Variants in RIC8B observed in about 807,000 individuals in gnomAD.
RIC8B encodes RIC8 guanine nucleotide exchange factor B, also known as chaperone Ric-8B.
Under a neutral mutation model 57.5 loss-of-function variants are expected in RIC8B, and 16 were observed. The observed-to-expected ratio is 0.28, with a 90% CI of 0.19 to 0.42. RIC8B has a LOEUF of 0.42. Ranked by LOEUF, RIC8B falls within the 10% of genes least tolerant of loss-of-function variation. The probability of loss-of-function intolerance (pLI) is 1.00; values close to 1 mark genes in which losing one functional copy is unlikely to be tolerated. For synonymous variants in RIC8B, 216 were observed against 250.8 expected (o/e 0.86, Z 1.31); for missense variants, 481 against 677.0 (o/e 0.71, Z 3.21).
intron 1 of RIC8B, among the ~76,000 whole-genome samples, chr12:106,782,488 C>T (rs1000710788): frequency 6.6e-6 from 1 of 152,226 alleles, no homozygotes; most frequent in Non-Finnish European, 1.5e-5. Flanking sequence ...CTGTGAGCTA[C>T]CGCCCAAAAT....
intron 3 of RIC8B, among the ~76,000 whole-genome samples, chr12:106,820,237 G>A (rs1013858978): frequency 6.6e-6 from 1 of 152,144 alleles, no homozygotes; most frequent in Non-Finnish European, 1.5e-5. Context: ...GCAAATTAGT[G>A]CAATTTGTTC....
intron 3 of RIC8B, 97 bp downstream of exon 3, chr12:106,815,401 G>GA: frequency 7.6e-7 from 1 of 1,313,288 alleles, no homozygotes; most frequent in Non-Finnish European, 1.0e-6. Flanking sequence ...TTGGGAAATG[G>GA]AAAAAGTTCC....
intron 8 of RIC8B, among the ~76,000 whole-genome samples, chr12:106,865,652 ATC>A (rs1299354259): frequency 2.6e-5 from 4 of 151,738 alleles, no homozygotes; most frequent in South Asian, 4.2e-4. Context: ...CCAAGCTAAA[ATC>A]TCTCTCTCCA....
chr12:106,885,158 ATAAT>A (rs761145926), intron 9 of RIC8B, among the ~76,000 whole-genome samples: 5 of 152,204 alleles, frequency 3.3e-5, no homozygotes, highest in African/African-American at 4.8e-5. Flanking sequence ...GGCTTAATCA[ATAAT>A]TAATCATCTT....
At chr12:106,873,071 T>C in intron 9 of RIC8B, 1 of 985,396 alleles carries the variant, frequency 1.0e-6, no homozygotes, top group Non-Finnish European at 1.2e-6. Flanking sequence ...CAAATAAATA[T>C]ACAAACGTCA....
chr12:106,870,827 A>G lies in RIC8B; in HGVS notation c.1456A>G (p.Asn486Asp). The G allele has an allele frequency of 6.6e-7, 1 of 1,516,378 alleles. No homozygotes were observed. The highest frequency in any genetic ancestry group is 1.3e-5 in the South Asian group (1 of 77,758). 93.9% of individuals were successfully genotyped at this position (1,516,378 alleles called of 1,614,324 possible). A position where few individuals can be genotyped will look rare whatever the true frequency, so the allele number is the denominator to read the frequency against. The change falls in exon 9 of 10, where the codon AAT (asparagine) becomes GAT (aspartate). Residue 486 changes from asparagine (N) to aspartate (D), a missense_variant. Coordinates refer to ENST00000392837, the MANE Select transcript of RIC8B (RefSeq NM_001330145.2). ...EEYKNAKPNI[N>D]LITGHLEEPM... ...AACTTTTTTTTCTTTTTGTAGCATT[A>G]ATCTTATCACTGGTCATTTAGAGGA...
chr12:106,861,701 T>TTAG (rs1361979101), intron 8 of RIC8B, among the ~76,000 whole-genome samples: 8 of 152,130 alleles, frequency 5.3e-5, no homozygotes, highest in Non-Finnish European at 1.0e-4. Context: ...AAATTAGTCT[T>TTAG]ACTAGCTTTT....
intron 1 of RIC8B, among the ~76,000 whole-genome samples, chr12:106,781,046 A>C (rs1253253888): frequency 6.6e-6 from 1 of 152,214 alleles, no homozygotes; most frequent in Non-Finnish European, 1.5e-5. Flanking sequence ...TGAAACCTGT[A>C]GTGAGAGTCC....
At chr12:106,832,727 A>C (rs925631291) in intron 4 of RIC8B, among the ~76,000 whole-genome samples, 2 of 152,174 alleles carry the variant, frequency 1.3e-5, no homozygotes, top group Non-Finnish European at 2.9e-5. Flanking sequence ...ACCTCTTAAG[A>C]GGCTAATTGG....
At chr12:106,851,003 A>G (rs754520631) in intron 6 of RIC8B, among the ~76,000 whole-genome samples, 46 of 152,190 alleles carry the variant, frequency 3.0e-4, no homozygotes, top group Non-Finnish European at 4.7e-4. Flanking sequence ...GGTCCCAAGC[A>G]TTTTGGATAA....
rs574307442 is a variant in RIC8B at position 106,815,207 on chromosome 12, A to G, written c.644A>G (p.Asn215Ser). 6.2e-7 allele frequency: 1 copy of G among 1,614,218 alleles called. No individual in the cohort carries two copies. The highest frequency in any genetic ancestry group is 1.3e-5 in the African/African-American group (1 of 75,048). ...TDEYESAIDH[N>S]GPPLSPQETD... ...GAGTATGAATCGGCCATAGACCATA[A>G]TGGACCTCCTCTCTCACCTCAGGAG... The change falls in exon 3 of 10, where the codon AAT becomes AGT. Residue 215 changes from asparagine to serine, a missense_variant. Asn to Ser is a conservative substitution (Grantham distance 46, BLOSUM62 1). Around this residue, in one of 3 missense-constraint regions of RIC8B, gnomAD observed 421 missense variants for 560.9 expected, o/e 0.75. Coordinates refer to ENST00000392837, the MANE Select transcript of RIC8B (RefSeq NM_001330145.2).
rs147787228 is a variant in RIC8B at position 106,826,284 on chromosome 12, C to G, written c.836+464C>G. 4.6e-5 allele frequency among the ~76,000 whole-genome samples: 7 copies of G among 152,312 alleles called. No individual in the cohort carries two copies. The East Asian group carries it at 1.3e-3, about 29-fold the overall frequency. On this transcript the variant is annotated intron_variant, in intron 4 of 9. Transcript: ENST00000392837. ...ATCAAGCAATTTCTCTGAGATTATACAGCCCTAACAAGTGAAAGAGCTGGG... is the reference window on the plus strand; with the variant it reads ...ATCAAGCAATTTCTCTGAGATTATAGAGCCCTAACAAGTGAAAGAGCTGGG...
At chr12:106,849,280 TTAAA>T (rs1949351639) in intron 6 of RIC8B, among the ~76,000 whole-genome samples, 1 of 147,716 alleles carries the variant, frequency 6.8e-6, no homozygotes, top group Admixed American at 6.8e-5. Context: ...TTTTTTCTTT[TTAAA>T]TAGTTTATTT....
At chr12:106,880,295 A>G (rs1049508436) in intron 9 of RIC8B, among the ~76,000 whole-genome samples, 6 of 152,212 alleles carry the variant, frequency 3.9e-5, no homozygotes, top group African/African-American at 1.4e-4. Flanking sequence ...GAATATCTGC[A>G]TTAGAAACAA....
intron 9 of RIC8B, among the ~76,000 whole-genome samples, chr12:106,873,457 T>C (rs1950534050): frequency 1.3e-5 from 2 of 152,216 alleles, no homozygotes; most frequent in African/African-American, 4.8e-5. Context: ...TTTATGCGTC[T>C]TACATGTCTT....
chr12:106,826,146 G>T (rs1185349640), intron 4 of RIC8B, among the ~76,000 whole-genome samples: 1 of 152,132 alleles, frequency 6.6e-6, no homozygotes, highest in East Asian at 1.9e-4. Context: ...TAACTCTGTG[G>T]CATTGTGCTA....
intron 4 of RIC8B, among the ~76,000 whole-genome samples, chr12:106,839,585 A>T (rs1267996551): frequency 6.6e-6 from 1 of 152,236 alleles, no homozygotes; most frequent in Non-Finnish European, 1.5e-5. Flanking sequence ...AGTTTTAGTT[A>T]TGCAAGATAA....
chr12:106,889,204 T>G lies in RIC8B; in HGVS notation c.*3189T>G, dbSNP rs1951308615. Reference sequence around the variant, plus strand: ...TTCCTGTATTTTTTCTATGCATATATAATTTATTTTACTACAAGATTGGGA... The same window carrying G: ...TTCCTGTATTTTTTCTATGCATATAGAATTTATTTTACTACAAGATTGGGA... On this transcript the variant is annotated 3_prime_UTR_variant, in exon 10 of 10. Coordinates refer to ENST00000392837, the MANE Select transcript of RIC8B (RefSeq NM_001330145.2). The G allele has an allele frequency of 6.6e-6, 1 of 152,228 alleles. No individual in the cohort carries two copies. Among genetic ancestry groups the G allele is most frequent in the Admixed American group, 6.5e-5 (1 of 15,288 alleles). 9.4% of individuals were successfully genotyped at this position (152,228 alleles called of 1,614,324 possible).
At chr12:106,806,663 CTACTA>C (rs983341148) in intron 2 of RIC8B, among the ~76,000 whole-genome samples, 2 of 152,000 alleles carry the variant, frequency 1.3e-5, no homozygotes, top group Non-Finnish European at 2.9e-5. Flanking sequence ...AACCCCGTCT[CTACTA>C]AAAATACAAA....
Sources: allele counts gnomAD v4.1 joint callset (sites outside exome capture counted in the v4.1 genomes callset), GRCh38; gene constraint gnomAD v4.1.1; regional missense constraint gnomAD v4.1.1; transcripts MANE v1.5; gene names NCBI Gene and HGNC (gene_info 2026-07-23, HGNC 2026-07-21).